The following ZSWIM5 variants were observed in gnomAD, a reference collection of about 807,000 sequenced individuals.
ZSWIM5 encodes zinc finger SWIM-type containing 5, also known as zinc finger SWIM domain-containing protein 5.
Under a neutral mutation model 119.6 loss-of-function variants are expected in ZSWIM5, and 55 were observed. The ratio of observed to expected loss-of-function variants is 0.46; its 90% CI spans 0.37 to 0.58. The LOEUF is 0.58. ZSWIM5 is among the 20% of genes least tolerant of loss of function. ZSWIM5 has a pLI of 0.00. For synonymous variants in ZSWIM5, 537 were observed against 606.9 expected, an observed-to-expected ratio of 0.88 and a Z score of 1.69; for missense variants, 1,193 against 1,512.8, an observed-to-expected ratio of 0.79 and a Z score of 3.51.
At chr1:45,189,446 T>G (rs771963944) in intron 1 of ZSWIM5, among the ~76,000 whole-genome samples, 2 of 152,062 alleles carry the variant, frequency 1.3e-5, no homozygotes, top group Non-Finnish European at 2.9e-5. Flanking sequence ...TCAACAATAC[T>G]ATATTTGATC....
At chr1:45,032,190 T>G (rs984861667) in intron 11 of ZSWIM5, among the ~76,000 whole-genome samples, 1 of 152,078 alleles carries the variant, frequency 6.6e-6, no homozygotes, top group Non-Finnish European at 1.5e-5. Flanking sequence ...TGCAGTGTCA[T>G]GATGGTAGCT....
rs911403377 is a variant in ZSWIM5, at chr1:45,070,347, G to A, written c.953-10100C>T. The A allele has an allele frequency of 1.5e-5, 21 of 1,412,422 alleles. No individual in the cohort carries two copies. The East Asian group carries it at 1.6e-4, about 11-fold the overall frequency. The allele number at this position is 1,412,422 out of a possible 1,614,324, so 87.5% of individuals were successfully genotyped here. ...CAGAGCATACACAGTCATGGCCAAC[G>A]GCATGGGCAGCCAGGGTGGCTTCTT... On this transcript the variant is annotated intron_variant, in intron 2 of 13. Coordinates refer to ENST00000359600, the MANE Select transcript of ZSWIM5 (RefSeq NM_020883.2).
chr1:45,091,905 T>C (rs1320880406), intron 1 of ZSWIM5, among the ~76,000 whole-genome samples: 8 of 152,122 alleles, frequency 5.3e-5, no homozygotes, highest in African/African-American at 1.9e-4. Flanking sequence ...AGGTCAGGGC[T>C]TTCTCTGTGT....
chr1:45,081,434 C>A (rs554462987), intron 2 of ZSWIM5, among the ~76,000 whole-genome samples: 1 of 152,228 alleles, frequency 6.6e-6, no homozygotes, highest in Non-Finnish European at 1.5e-5. Context: ...CCTCAGCCTG[C>A]GGAGTGCCTG....
chr1:45,204,886 C>T (rs1308730630), intron 1 of ZSWIM5, among the ~76,000 whole-genome samples: 2 of 152,136 alleles, frequency 1.3e-5, no homozygotes, highest in South Asian at 4.1e-4. Flanking sequence ...TTCTCCTTAA[C>T]CATTCCACAA....
At chr1:45,165,033 A>G (rs553210907) in intron 1 of ZSWIM5, among the ~76,000 whole-genome samples, 36 of 151,856 alleles carry the variant, frequency 2.4e-4, no homozygotes, top group Middle Eastern at 6.8e-3. Context: ...GCACCACATC[A>G]CACTTATTCC....
intron 1 of ZSWIM5, among the ~76,000 whole-genome samples, chr1:45,128,326 C>T (rs1268877533): frequency 1.3e-5 from 2 of 152,134 alleles, no homozygotes; most frequent in African/African-American, 4.8e-5. Context: ...TCCCAAATAG[C>T]TGTGACCACA....
At chr1:45,043,562 T>G (rs558776582) in intron 5 of ZSWIM5, among the ~76,000 whole-genome samples, 167 bp from the exon 6 acceptor site, 15 of 152,360 alleles carry the variant, frequency 9.8e-5, no homozygotes, top group African/African-American at 2.9e-4. Context: ...AGCAGCCACT[T>G]GCAATCTCTC....
chr1:45,120,282 C>G (rs577596650), intron 1 of ZSWIM5, among the ~76,000 whole-genome samples: 23 of 152,178 alleles, frequency 1.5e-4, no homozygotes, highest in Non-Finnish European at 2.5e-4. Flanking sequence ...AGGGGGAGGT[C>G]GCAGTGAGCC....
At position 45,121,187 on chromosome 1, in the gene ZSWIM5, G is replaced by A. The variant is rs550301478; in HGVS notation, c.596-32950C>T. 1.8e-4 allele frequency among the ~76,000 whole-genome samples: 28 copies of A among 152,244 alleles called. No individual in the cohort carries two copies. In the South Asian group the frequency reaches 4.4e-3, roughly 24 times the overall value. The stretch of plus-strand genomic sequence containing the variant: ...AGGATGGTCTCGATCTCCTGACCTC[G>A]TGATCTGCTCGTCTCAGCCTCCCAA... On this transcript the variant is annotated intron_variant, in intron 1 of 13. Coordinates refer to ENST00000359600, the MANE Select transcript of ZSWIM5 (RefSeq NM_020883.2).
intron 11 of ZSWIM5, among the ~76,000 whole-genome samples, chr1:45,029,479 T>C (rs539457110): frequency 6.6e-6 from 1 of 152,368 alleles, no homozygotes; most frequent in East Asian, 1.9e-4. Context: ...TTTCTGATGA[T>C]ATTAACTGTG....
chr1:45,191,271 A>T (rs1294407333), intron 1 of ZSWIM5, among the ~76,000 whole-genome samples: 1 of 152,092 alleles, frequency 6.6e-6, no homozygotes, highest in African/African-American at 2.4e-5. Context: ...TTGCTCAGTC[A>T]TTTGCAGGCT....
At chr1:45,101,604 C>T (rs1307905649) in intron 1 of ZSWIM5, among the ~76,000 whole-genome samples, 1 of 151,936 alleles carries the variant, frequency 6.6e-6, no homozygotes, top group African/African-American at 2.4e-5. Context: ...ATGTTTACTG[C>T]AACACTATTC....
chr1:45,133,183 C>A (rs943787365), intron 1 of ZSWIM5, among the ~76,000 whole-genome samples: 3 of 152,174 alleles, frequency 2.0e-5, no homozygotes, highest in Non-Finnish European at 4.4e-5. Flanking sequence ...CTTGAGGAAT[C>A]GCCACACTGT....
chr1:45,196,152 G>C (rs549916331), intron 1 of ZSWIM5, among the ~76,000 whole-genome samples: 5 of 150,686 alleles, frequency 3.3e-5, no homozygotes, highest in Non-Finnish European at 5.9e-5. Context: ...TGGGATTTCA[G>C]GTGTGAGCCA....
intron 2 of ZSWIM5, among the ~76,000 whole-genome samples, chr1:45,077,018 G>A (rs766220048): frequency 2.6e-5 from 4 of 151,970 alleles, no homozygotes; most frequent in Non-Finnish European, 5.9e-5. Flanking sequence ...GTGTTATCTT[G>A]AATTTCTTTG....
At chr1:45,133,967 T>C (rs1189774952) in intron 1 of ZSWIM5, among the ~76,000 whole-genome samples, 12 of 152,230 alleles carry the variant, frequency 7.9e-5, no homozygotes, top group Admixed American at 7.9e-4. Flanking sequence ...TCCATGGGTC[T>C]ATATCTCTGT....
chr1:45,111,899 T>C (rs573914449), intron 1 of ZSWIM5, among the ~76,000 whole-genome samples: 68 of 152,388 alleles, frequency 4.5e-4, no homozygotes, highest in Non-Finnish European at 7.8e-4. Context: ...TAGGTTCTGA[T>C]GGCTTGTATG....
intron 11 of ZSWIM5, among the ~76,000 whole-genome samples, chr1:45,024,192 C>CTTTTTTTTTT (rs59909524): frequency 1.5e-5 from 2 of 129,536 alleles, no homozygotes; most frequent in African/African-American, 2.9e-5. Context: ...CTTTTCTTTT[C>CTTTTTTTTTT]TTTTTTTTTT....
Sources: allele counts gnomAD v4.1 joint callset (sites outside exome capture counted in the v4.1 genomes callset), GRCh38; gene constraint gnomAD v4.1.1; transcripts MANE v1.5; gene names NCBI Gene and HGNC (gene_info 2026-07-23, HGNC 2026-07-21).